Variants in SAP130 observed in about 807,000 individuals in gnomAD.
SAP130 encodes Sin3A associated protein 130.
Under a neutral mutation model 103.2 loss-of-function variants are expected in SAP130, and 16 were observed. That is an observed-to-expected ratio of 0.16 (90% CI 0.10 to 0.24). The LOEUF (loss-of-function observed/expected upper bound fraction) is 0.24, where lower values mean the gene tolerates loss of function less well. Among genes scored for constraint, SAP130 ranks in the 10% least tolerant of loss-of-function variants. The pLI, the probability that SAP130 is intolerant of heterozygous loss-of-function variation, is 1.00. For missense variants in SAP130, 990 were observed against 1,359.7 expected, an observed-to-expected ratio of 0.73 and a Z score of 4.28; for synonymous variants, 477 against 497.0, an observed-to-expected ratio of 0.96 and a Z score of 0.53.
chr2:128,014,644 C>CT (rs2105193498), intron 5 of SAP130, among the ~76,000 whole-genome samples, 159 bp downstream of exon 5: 1 of 152,148 alleles, frequency 6.6e-6, no homozygotes, highest in Non-Finnish European at 1.5e-5. Flanking sequence ...GCCTTTTTTT[C>CT]TTTTTAAATA....
chr2:128,026,189 G>T lies in SAP130; in HGVS notation c.104C>A (p.Ala35Asp). 1 of 1,608,376 alleles carries T rather than the reference G, an allele frequency of 6.2e-7. No individual in the cohort carries two copies. The highest frequency in any genetic ancestry group is 1.1e-5 in the South Asian group (1 of 90,928). Residue 35 changes from alanine to aspartate, a missense_variant, in exon 2 of 21, where the codon GCT becomes GAT. By Grantham distance (126) the Ala-to-Asp change is moderately radical. Coordinates refer to ENST00000643581, the MANE Select transcript of SAP130 (RefSeq NM_001330301.2). ...AATATTACATATCTCACCTGTAGCA[G>T]CTGGGTTTATCAATCCAGCAGAACC... The part of the protein sequence containing the change: ...NSGSAGLINP[A>D]ATVNDESGRD...
intron 7 of SAP130, among the ~76,000 whole-genome samples, chr2:128,001,449 G>A (rs1683553430): frequency 6.6e-6 from 1 of 152,178 alleles, no homozygotes; most frequent in Admixed American, 6.5e-5. Context: ...CTAGCTGGAG[G>A]ACAAAAAGAA....
chr2:128,004,648 C>A (rs1683832619), intron 7 of SAP130, among the ~76,000 whole-genome samples: 1 of 152,150 alleles, frequency 6.6e-6, no homozygotes, highest in South Asian at 2.1e-4. Context: ...AGTGAAGGAG[C>A]ATTTGGACCA....
rs950956114 is a variant in SAP130, at chr2:127,989,177, C to G, written c.1780+387G>C. ...GCAGTGGCGTGATCTCGGCTCACTG[C>G]AAGCTCCACATCCCCAGTTCACGCC... On this transcript the variant is annotated intron_variant, in intron 13 of 20. Coordinates refer to ENST00000643581, the MANE Select transcript of SAP130 (RefSeq NM_001330301.2). This position sits in a 1 kb window ranked among gnomAD's most constrained non-coding sequence, Gnocchi z 4.6. Among the ~76,000 whole-genome samples, 1 of 151,704 alleles carries G rather than the reference C, an allele frequency of 6.6e-6. No individual in the cohort carries two copies.
At chr2:127,952,354 G>A (rs1679549574) in intron 16 of SAP130, among the ~76,000 whole-genome samples, 1 of 151,662 alleles carries the variant, frequency 6.6e-6, no homozygotes, top group Non-Finnish European at 1.5e-5. Context: ...AGGAGGCTGA[G>A]GCAGGAGAAT....
chr2:127,947,969 C>T (rs576815817), intron 18 of SAP130, among the ~76,000 whole-genome samples: 2 of 68,692 alleles, frequency 2.9e-5, no homozygotes, highest in East Asian at 7.1e-4. Context: ...TTTATATTTT[C>T]AGTAGGGACG....
At chr2:127,987,394 C>A (rs750179642) in intron 13 of SAP130, among the ~76,000 whole-genome samples, 3 of 152,082 alleles carry the variant, frequency 2.0e-5, no homozygotes, top group Non-Finnish European at 4.4e-5. Context: ...CCGTGTTGGC[C>A]AGGCTAGTCT....
chr2:127,959,350 T>C (rs1270656984), intron 15 of SAP130, among the ~76,000 whole-genome samples: 1 of 152,222 alleles, frequency 6.6e-6, no homozygotes, highest in Non-Finnish European at 1.5e-5. Context: ...ACGAAAATCC[T>C]GTAGACAATA....
At chr2:128,002,746 A>C (rs1683651816) in intron 7 of SAP130, among the ~76,000 whole-genome samples, 1 of 152,120 alleles carries the variant, frequency 6.6e-6, no homozygotes, top group Non-Finnish European at 1.5e-5. Flanking sequence ...AACAAAAAAC[A>C]AACAAAAAAA....
At chr2:127,947,801 T>TGTG (rs1573621156) in intron 18 of SAP130, among the ~76,000 whole-genome samples, 1 of 151,822 alleles carries the variant, frequency 6.6e-6, no homozygotes, top group Non-Finnish European at 1.5e-5. Context: ...TGTGTGTGTG[T>TGTG]TTTGAGACGG....
At chr2:128,018,483 C>CAAAAAAAAAAAAAAAAAAAAAA (rs759445928) in intron 2 of SAP130, among the ~76,000 whole-genome samples, 4 of 69,474 alleles carry the variant, frequency 5.8e-5, no homozygotes, top group African/African-American at 2.6e-4. Context: ...AGATTGTCTC[C>CAAAAAAAAAAAAAAAAAAAAAA]AAAAAAAAAA....
rs199763454 is a variant in SAP130, at chr2:127,950,391, T to C, written c.2440A>G (p.Thr814Ala). Residue 814 changes from threonine (T) to alanine (A), a missense_variant, in exon 17 of 21, where the codon ACC becomes GCC. Transcript: ENST00000643581. The stretch of plus-strand genomic sequence containing the variant: ...GCAAGAGATGGAGACACAGTGTTGG[T>C]AGCCAGTGGAGGAACTGCTGTCATA... ...RPVSAVPPLA[T>A]NTVSPSLALL... 4.4e-4 allele frequency: 707 copies of C among 1,614,088 alleles called. 1 individual carries two copies. The highest frequency in any genetic ancestry group is 5.5e-4 in the Non-Finnish European group (645 of 1,180,020).
In SAP130 at chr2:127,989,736, C is replaced by A; in HGVS notation, c.1608G>T (p.Gln536His). 1 of 1,614,182 alleles carries A rather than the reference C, an allele frequency of 6.2e-7. No individual in the cohort carries two copies. Among genetic ancestry groups the A allele is most frequent in the Non-Finnish European group, 8.5e-7 (1 of 1,180,032 alleles). ...TACCCTGGGTACTGATGGGTGCTGG[C>A]TGGATCCCTTGAATATGTCGAGCAT... Reference protein sequence around the residue: ...ASHARHIQGIQPAPISTQGIQ... With the variant: ...ASHARHIQGIHPAPISTQGIQ... Residue 536 changes from glutamine (Q) to histidine (H), a missense_variant, in exon 13 of 21, where the codon CAG (glutamine) becomes CAT (histidine). Gln to His is a conservative substitution (Grantham distance 24). This residue lies in a region of SAP130 where 336 missense variants were observed against 520.1 expected (regional missense o/e 0.65). Coordinates refer to ENST00000643581, the MANE Select transcript of SAP130 (RefSeq NM_001330301.2). This position sits in a 1 kb window ranked among gnomAD's most constrained non-coding sequence, Gnocchi z 4.6.
intron 9 of SAP130, 31 bp downstream of exon 9, chr2:128,000,025 A>C (rs754452375): frequency 1.9e-6 from 3 of 1,598,622 alleles, no homozygotes; most frequent in East Asian, 4.5e-5. Flanking sequence ...CTTTTTCCCC[A>C]GTAGAAGGAA....
chr2:127,995,176 C>T (rs547524789), intron 11 of SAP130, among the ~76,000 whole-genome samples: 3 of 152,316 alleles, frequency 2.0e-5, no homozygotes, highest in African/African-American at 7.2e-5. Flanking sequence ...CCTCTGCCTG[C>T]TCAAAGGGCC....
rs185462871 is a variant in SAP130 at position 128,002,092 on chromosome 2, A to G, written c.870-1638T>C. ...CAGGCGCGTGCCACAATGCCTGGCT[A>G]ATTTTTGTATTTTTAGTAGAGACGT... On this transcript the variant is annotated intron_variant, in intron 7 of 20. Transcript: ENST00000643581. 1.8e-4 allele frequency among the ~76,000 whole-genome samples: 27 copies of G among 152,140 alleles called. No individual in the cohort carries two copies. In the Middle Eastern group the frequency reaches 0.01, roughly 57 times the overall value.
chr2:128,012,876 T>C (rs1196623103), intron 6 of SAP130, among the ~76,000 whole-genome samples, 154 bp downstream of exon 6: 1 of 151,008 alleles, frequency 6.6e-6, no homozygotes, highest in Non-Finnish European at 1.5e-5. Flanking sequence ...CTCCTCTGCA[T>C]TCTTACAGCT....
intron 14 of SAP130, among the ~76,000 whole-genome samples, chr2:127,983,338 T>A (rs1349045947): frequency 6.6e-6 from 1 of 152,234 alleles, no homozygotes; most frequent in African/African-American, 2.4e-5. Flanking sequence ...AAACTTTTTA[T>A]TGTCTGGAAT....
chr2:127,951,444 C>T (rs2461462), intron 16 of SAP130, among the ~76,000 whole-genome samples: 115,283 of 151,888 alleles, frequency 0.76, 45,836 homozygotes, highest in Non-Finnish European at 0.88. Context: ...TTTCTAGCAT[C>T]CAACTCCCTA....
Sources: gnomAD v4.1 joint callset for allele counts (sites outside exome capture counted in the v4.1 genomes callset) on GRCh38, gnomAD v4.1.1 for gene constraint, gnomAD v4.1.1 regional missense constraint, Gnocchi (gnomAD v3.1) non-coding constraint, MANE v1.5 for transcripts, NCBI Gene and HGNC (gene_info 2026-07-23, HGNC 2026-07-21) for gene names.